Variants in EYS observed in about 807,000 individuals in gnomAD.
EYS encodes the protein EGF-like photoreceptor maintenance factor.
A neutral mutation model predicts 282.1 loss-of-function variants in EYS; 250 were observed. The ratio of observed to expected loss-of-function variants is 0.89; its 90% confidence interval spans 0.80 to 0.98. The LOEUF (loss-of-function observed/expected upper bound fraction) is 0.98. EYS is among the 50% of genes least tolerant of loss of function. The probability of loss-of-function intolerance (pLI) is 0.00; values close to 1 mark genes in which losing one functional copy is unlikely to be tolerated. For synonymous variants in EYS, 1,355 were observed against 1,282.9 expected, an observed-to-expected ratio of 1.06 and a Z score of -1.20; for missense variants, 4,016 against 3,709.0, an observed-to-expected ratio of 1.08 and a Z score of -2.15.
intron 30 of EYS, among the ~76,000 whole-genome samples, chr6:64,298,237 T>C (rs1769107997): frequency 6.6e-6 from 1 of 152,124 alleles, no homozygotes; most frequent in Admixed American, 6.5e-5. Flanking sequence ...TTCTAAATAA[T>C]TAAACAGATT....
chr6:64,348,210 T>C (rs1771483975), intron 29 of EYS, among the ~76,000 whole-genome samples: 2 of 151,498 alleles, frequency 1.3e-5, no homozygotes, highest in Admixed American at 6.6e-5. Flanking sequence ...TTGTTTCTCA[T>C]GATAAATTTA....
chr6:64,304,061 CTCTAGTGG>C (rs1769344486), intron 30 of EYS, among the ~76,000 whole-genome samples: 1 of 152,122 alleles, frequency 6.6e-6, no homozygotes, highest in African/African-American at 2.4e-5. Context: ...GTTAATTACC[CTCTAGTGG>C]TGTTTACTGG....
chr6:65,325,232 C>T (rs367759384), intron 11 of EYS, among the ~76,000 whole-genome samples: 4 of 152,082 alleles, frequency 2.6e-5, no homozygotes, highest in Non-Finnish European at 4.4e-5. Flanking sequence ...CTTCATCCTC[C>T]TCATCCTTCT....
intron 28 of EYS, among the ~76,000 whole-genome samples, chr6:64,411,918 C>CATGAATATATGTATATATGTTTATAT (rs1773906407): frequency 6.6e-6 from 1 of 150,866 alleles, no homozygotes; most frequent in Admixed American, 6.6e-5. Context: ...TTTATATATG[C>CATGAATATATGTATATATGTTTATAT]ATGCATGTAT....
intron 2 of EYS, among the ~76,000 whole-genome samples, chr6:65,594,662 G>A (rs554640945): frequency 6.7e-4 from 102 of 152,180 alleles, no homozygotes; most frequent in African/African-American, 2.4e-3. Flanking sequence ...AAGCTCTTTG[G>A]TTTAATTAGA....
intron 41 of EYS, among the ~76,000 whole-genome samples, chr6:63,737,166 A>G (rs1326550397): frequency 6.6e-6 from 1 of 151,956 alleles, no homozygotes; most frequent in African/African-American, 2.4e-5. Flanking sequence ...GTCTTGTGCC[A>G]GTTTTCAAAG....
intron 11 of EYS, among the ~76,000 whole-genome samples, chr6:65,326,904 A>T (rs72884848): frequency 5.3e-5 from 8 of 151,806 alleles, no homozygotes; most frequent in Non-Finnish European, 1.0e-4. Flanking sequence ...TCAGTAGACC[A>T]CAAAATAAAA....
intron 33 of EYS, among the ~76,000 whole-genome samples, chr6:64,060,279 T>A (rs1241994831): frequency 6.6e-6 from 1 of 152,008 alleles, no homozygotes; most frequent in Non-Finnish European, 1.5e-5. Context: ...GATAATAGAG[T>A]ATGGATATTC....
rs899139223 is a variant in EYS at position 64,593,250 on chromosome 6, G to A, written c.3744C>T (p.Pro1248=). 2 of 1,550,428 alleles carry A rather than the reference G, an allele frequency of 1.3e-6. No homozygotes were observed. Among genetic ancestry groups the A allele is most frequent in the Non-Finnish European group, 1.7e-6 (2 of 1,146,352 alleles). ...AAATGGGATCTGTTCTTTGAAAGAT[G>A]GGAGTTAAACAGGTAATTCTCCTTA... ...DEIRRITCLT[P]IFQRTDPIST... The change falls in exon 25 of 43, where the codon CCC becomes CCT. Residue 1248 remains proline, a synonymous_variant. Coordinates refer to ENST00000503581, the MANE Select transcript of EYS (RefSeq NM_001142800.2).
At chr6:64,357,197 AT>A (rs1172522934) in intron 29 of EYS, among the ~76,000 whole-genome samples, 4 of 151,672 alleles carry the variant, frequency 2.6e-5, no homozygotes, top group Admixed American at 1.3e-4. Context: ...GATAATATGA[AT>A]TCAGACTCTG....
At chr6:65,383,923 A>G (rs1407441797) in intron 8 of EYS, among the ~76,000 whole-genome samples, 1 of 151,854 alleles carries the variant, frequency 6.6e-6, no homozygotes. Context: ...TCTCTAATAG[A>G]CATACCTACA....
intron 5 of EYS, among the ~76,000 whole-genome samples, chr6:65,459,999 T>G (rs1441455586): frequency 1.5e-5 from 2 of 135,126 alleles, no homozygotes; most frequent in African/African-American, 5.6e-5. Context: ...TATATATATA[T>G]ATATATATAA....
intron 33 of EYS, among the ~76,000 whole-genome samples, chr6:64,045,216 AT>A (rs1318691482): frequency 6.6e-6 from 1 of 151,804 alleles, no homozygotes; most frequent in Non-Finnish European, 1.5e-5. Flanking sequence ...ACTCTGACTA[AT>A]TTTTACTTTT....
chr6:65,630,017 G>C (rs530739999), intron 2 of EYS, among the ~76,000 whole-genome samples: 1 of 152,232 alleles, frequency 6.6e-6, no homozygotes, highest in Non-Finnish European at 1.5e-5. Context: ...GGATGATGGA[G>C]AACAAGGTAC....
intron 31 of EYS, among the ~76,000 whole-genome samples, chr6:64,121,173 A>G (rs975663031): frequency 6.6e-6 from 1 of 152,168 alleles, no homozygotes; most frequent in African/African-American, 2.4e-5. Flanking sequence ...ACTATGACCC[A>G]GTCTGATGAA....
intron 26 of EYS, among the ~76,000 whole-genome samples, chr6:64,535,655 G>A (rs1176515150): frequency 6.6e-6 from 1 of 151,600 alleles, no homozygotes; most frequent in Non-Finnish European, 1.5e-5. Flanking sequence ...TAGGAGGAAT[G>A]TTGAGCCTGG....
chr6:64,556,005 G>C (rs1336783198), intron 26 of EYS, among the ~76,000 whole-genome samples: 1 of 152,020 alleles, frequency 6.6e-6, no homozygotes, highest in Non-Finnish European at 1.5e-5. Context: ...TGACAAGGAT[G>C]TAGAGAAGCC....
chr6:64,688,013 G>C lies in EYS; in HGVS notation c.3444-61768C>G, dbSNP rs143391826. On this transcript the variant is annotated intron_variant, in intron 22 of 42. Coordinates refer to ENST00000503581, the MANE Select transcript of EYS (RefSeq NM_001142800.2). ...CTAGATTTTCTAGTTTATTTGTGTA[G>C]AGGTGTTTATAGTATTCTCTAATGG... Among the ~76,000 whole-genome samples the C allele has an allele frequency of 6.9e-3, 1,055 of 152,228 alleles. 4 individuals carry two copies. Among genetic ancestry groups the C allele is most frequent in the Non-Finnish European group, 9.2e-3 (627 of 68,016 alleles).
chr6:65,060,645 A>G (rs1423057788), intron 12 of EYS, among the ~76,000 whole-genome samples: 2 of 151,844 alleles, frequency 1.3e-5, no homozygotes, highest in South Asian at 2.1e-4. Flanking sequence ...AACCTGGATC[A>G]TCTCAGGTAT....
Sources: allele counts gnomAD v4.1 joint callset (sites outside exome capture counted in the v4.1 genomes callset), GRCh38; gene constraint gnomAD v4.1.1; transcripts MANE v1.5; gene names NCBI Gene and HGNC (gene_info 2026-07-23, HGNC 2026-07-21).